LIN7A: variants seen among roughly 807,000 people sequenced by gnomAD.
LIN7A encodes the protein protein lin-7 homolog A.
In LIN7A, 25 loss-of-function variants were observed where a neutral mutation model predicts 29.8. The ratio of observed to expected loss-of-function variants is 0.84; its 90% confidence interval spans 0.61 to 1.17. The LOEUF (loss-of-function observed/expected upper bound fraction) is 1.17. LIN7A is among the 50% of genes most tolerant of loss of function. LIN7A has a pLI of 0.00. For missense variants in LIN7A, 239 were observed against 287.0 expected (o/e 0.83, Z 1.21); for synonymous variants, 118 against 107.5 (o/e 1.10, Z -0.60).
At chr12:80,884,647 A>T (rs1270305469) in intron 2 of LIN7A, among the ~76,000 whole-genome samples, 1 of 152,184 alleles carries the variant, frequency 6.6e-6, no homozygotes, top group African/African-American at 2.4e-5. Context: ...ATTCAACTGT[A>T]GCATGCACAA....
intron 3 of LIN7A, among the ~76,000 whole-genome samples, chr12:80,847,643 T>C (rs1873139670): frequency 6.6e-6 from 1 of 152,212 alleles, no homozygotes; most frequent in South Asian, 2.1e-4. Flanking sequence ...CCTAATGGCC[T>C]ATTTTCCTGA....
At chr12:80,916,690 G>A (rs921197086) in intron 1 of LIN7A, among the ~76,000 whole-genome samples, 2 of 152,198 alleles carry the variant, frequency 1.3e-5, no homozygotes, top group Non-Finnish European at 2.9e-5. Context: ...ATTTACAAAA[G>A]AGCATACAGG....
At chr12:80,850,918 G>C (rs10862203) in intron 2 of LIN7A, among the ~76,000 whole-genome samples, 64,522 of 151,840 alleles carry the variant, frequency 0.42, 14,161 homozygotes, top group East Asian at 0.68. Flanking sequence ...CCATGAGCTC[G>C]GTTAATTCTC....
At chr12:80,802,383 G>A (rs1228079297) in intron 5 of LIN7A, among the ~76,000 whole-genome samples, 1 of 152,226 alleles carries the variant, frequency 6.6e-6, no homozygotes, top group Non-Finnish European at 1.5e-5. Context: ...GGACACCTAC[G>A]TTGCTCCCTT....
Position 80,845,926 on chromosome 12 carries a change from G to A in LIN7A, c.287C>T (p.Ala96Val). 2 of 1,572,956 alleles carry A rather than the reference G, an allele frequency of 1.3e-6. No individual in the cohort carries two copies. The highest frequency in any genetic ancestry group is 1.7e-6 in the Non-Finnish European group (2 of 1,165,268). ...ARATAKATVAAFAASEGHSHP... is the reference protein window; with the variant it reads ...ARATAKATVAVFAASEGHSHP... ...GGAGTGGCCTTCACTAGCTGCAAAAGCTGCAACTGTTGCCTGAAAAAAAAA... is the reference window on the plus strand; with the variant it reads ...GGAGTGGCCTTCACTAGCTGCAAAAACTGCAACTGTTGCCTGAAAAAAAAA... The change falls in exon 4 of 6, where the codon GCT becomes GTT. Residue 96 changes from alanine (A) to valine (V), a missense_variant. By Grantham distance (64) the Ala-to-Val change is moderately conservative. Transcript: ENST00000552864.
intron 1 of LIN7A, among the ~76,000 whole-genome samples, chr12:80,933,404 A>G (rs1223369015): frequency 6.6e-6 from 1 of 152,188 alleles, no homozygotes. Context: ...CACTCTCTCC[A>G]GAATGCTTTT....
At chr12:80,866,953 G>C (rs1303657310) in intron 2 of LIN7A, among the ~76,000 whole-genome samples, 3 of 152,058 alleles carry the variant, frequency 2.0e-5, no homozygotes, top group Admixed American at 6.6e-5. Flanking sequence ...TGGTTCCCAT[G>C]TCTCTCTTTT....
intron 5 of LIN7A, among the ~76,000 whole-genome samples, chr12:80,799,733 T>C (rs1870625017): frequency 6.6e-6 from 1 of 152,028 alleles, no homozygotes; most frequent in South Asian, 2.1e-4. Context: ...AGAAAACAAA[T>C]AATAAACATT....
rs2121549182 is a variant in LIN7A, at chr12:80,848,438, A to T, written c.202-116T>A. The T allele has an allele frequency of 5.6e-6, 4 of 712,032 alleles. No individual in the cohort carries two copies. In the East Asian group the frequency reaches 8.2e-5, roughly 15 times the overall value. 44.1% of individuals were successfully genotyped at this position (712,032 alleles called of 1,614,324 possible). A position where few individuals can be genotyped will look rare whatever the true frequency, so the allele number is the denominator to read the frequency against. ...GAAAAAAATTCTCTATTGCAAAATA[A>T]CATAGGTCTGATGTTTGGGAATGTA... On this transcript the variant is annotated intron_variant, in intron 2 of 5. Coordinates refer to ENST00000552864, the MANE Select transcript of LIN7A (RefSeq NM_004664.4).
chr12:80,807,776 G>A (rs1469719341), intron 5 of LIN7A, among the ~76,000 whole-genome samples: 1 of 152,166 alleles, frequency 6.6e-6, no homozygotes, highest in Non-Finnish European at 1.5e-5. Flanking sequence ...TGGACAAAAT[G>A]ACTCGTCCTT....
chr12:80,889,285 AC>A lies in LIN7A; in HGVS notation c.166del (p.Val56CysfsTer21). On this transcript the variant is annotated frameshift_variant, in exon 2 of 6. Transcript: ENST00000552864. LOFTEE classifies it high-confidence loss of function. ...PVHKLQSLKKVLQSEFCTAIR... is the reference protein window; with the variant it reads ...PVHKLQSLKKXLQSEFCTAIR... ...AGCTGTACAAAACTCACTCTGAAGCACTTTTTTGAGGGATTGTAGCTTGTGC... is the reference window on the plus strand; with the variant it reads ...AGCTGTACAAAACTCACTCTGAAGCATTTTTTGAGGGATTGTAGCTTGTGC... 6.2e-7 allele frequency: 1 copy of A among 1,612,482 alleles called. No homozygotes were observed.
At chr12:80,861,770 G>A (rs988947125) in intron 2 of LIN7A, among the ~76,000 whole-genome samples, 1 of 152,190 alleles carries the variant, frequency 6.6e-6, no homozygotes, top group Non-Finnish European at 1.5e-5. Flanking sequence ...GCAGCCCAGA[G>A]GATATAAAAC....
At chr12:80,933,840 A>G (rs145891561) in intron 1 of LIN7A, among the ~76,000 whole-genome samples, 78 of 150,686 alleles carry the variant, frequency 5.2e-4, no homozygotes, top group Non-Finnish European at 6.4e-4. Flanking sequence ...CATTTATAGC[A>G]CTCTCCTTTA....
chr12:80,842,173 AT>A (rs1872853416), intron 4 of LIN7A: 8 of 1,248,392 alleles, frequency 6.4e-6, no homozygotes, highest in Non-Finnish European at 8.3e-6. Context: ...TTTTGTCTTT[AT>A]TTTTATTTAT....
At position 80,888,435 on chromosome 12, in the gene LIN7A, C is replaced by T. The variant is rs193287714; in HGVS notation, c.201+816G>A. Among the ~76,000 whole-genome samples the T allele has an allele frequency of 9.9e-5, 15 of 152,240 alleles. No homozygotes were observed. The East Asian group carries it at 2.9e-3, about 29-fold the overall frequency. On this transcript the variant is annotated intron_variant, in intron 2 of 5. Transcript: ENST00000552864. ...TAACACAAGCATTCATTGGAGGTGCCTGCTCTACGCTACAATAAACTCTGT... is the reference window on the plus strand; with the variant it reads ...TAACACAAGCATTCATTGGAGGTGCTTGCTCTACGCTACAATAAACTCTGT...
chr12:80,902,004 A>G (rs1876238913), intron 1 of LIN7A, among the ~76,000 whole-genome samples: 1 of 152,014 alleles, frequency 6.6e-6, no homozygotes, highest in Non-Finnish European at 1.5e-5. Flanking sequence ...AGGGCAGTAT[A>G]AAAGATTATT....
intron 4 of LIN7A, among the ~76,000 whole-genome samples, chr12:80,844,608 G>C (rs1872972583): frequency 6.6e-6 from 1 of 151,986 alleles, no homozygotes; most frequent in Non-Finnish European, 1.5e-5. Flanking sequence ...TAGGTTAATC[G>C]AAAGGTAACA....
intron 5 of LIN7A, among the ~76,000 whole-genome samples, chr12:80,798,786 C>CTTTTTTTTTTTTTTTT (rs200030464): frequency 6.9e-6 from 1 of 144,850 alleles, no homozygotes. Flanking sequence ...AGACTGAGTT[C>CTTTTTTTTTTTTTTTT]TTTTTTTTTT....
intron 1 of LIN7A, among the ~76,000 whole-genome samples, chr12:80,910,851 A>G (rs1401323012): frequency 6.6e-6 from 1 of 151,996 alleles, no homozygotes; most frequent in Admixed American, 6.6e-5. Context: ...TTATTTTCCT[A>G]TATTGTGTTT....
Sources: gnomAD v4.1 joint callset for allele counts (sites outside exome capture counted in the v4.1 genomes callset) on GRCh38, gnomAD v4.1.1 for gene constraint, MANE v1.5 for transcripts, NCBI Gene and HGNC (gene_info 2026-07-23, HGNC 2026-07-21) for gene names.